The following DPP6 variants were observed in gnomAD, a reference collection of about 807,000 sequenced individuals.
The protein encoded by DPP6 is A-type potassium channel modulatory protein DPP6.
A neutral mutation model predicts 122.6 loss-of-function variants in DPP6; 69 were observed. The observed-to-expected ratio is 0.56, with a 90% CI of 0.46 to 0.69. The LOEUF is 0.69. Ranked by LOEUF, DPP6 falls within the 30% of genes least tolerant of loss-of-function variation. The probability of loss-of-function intolerance (pLI) is 0.00; values close to 1 mark genes in which losing one functional copy is unlikely to be tolerated. For synonymous variants in DPP6, 418 were observed against 433.1 expected (o/e 0.97, Z 0.43); for missense variants, 928 against 1,116.9 (o/e 0.83, Z 2.41).
chr7:154,701,219 G>T (rs373826071), intron 7 of DPP6, among the ~76,000 whole-genome samples: 1 of 152,094 alleles, frequency 6.6e-6, no homozygotes, highest in Admixed American at 6.5e-5. Context: ...TTCCTGTCCC[G>T]CTTTGCACGC....
At chr7:154,332,739 C>T (rs6464405) in intron 1 of DPP6, among the ~76,000 whole-genome samples, 101,339 of 152,136 alleles carry the variant, frequency 0.67, 33,836 homozygotes, top group East Asian at 0.74. Context: ...CTCCCCCCTC[C>T]AACCTTAAAA....
chr7:154,073,328 A>T (rs530630599), intron 1 of DPP6, among the ~76,000 whole-genome samples: 9 of 152,152 alleles, frequency 5.9e-5, no homozygotes, highest in African/African-American at 2.2e-4. Flanking sequence ...TAGTGGGGGA[A>T]CTCCTGGTCC....
chr7:154,344,807 G>A (rs1276179615), intron 1 of DPP6, among the ~76,000 whole-genome samples: 1 of 152,150 alleles, frequency 6.6e-6, no homozygotes, highest in Non-Finnish European at 1.5e-5. Flanking sequence ...AGAATTGCTT[G>A]AACCCAGGAG....
chr7:154,828,086 C>T (rs10238834), intron 16 of DPP6, among the ~76,000 whole-genome samples: 112,995 of 151,902 alleles, frequency 0.74, 43,043 homozygotes, highest in Non-Finnish European at 0.84. Flanking sequence ...TTGCAGAACT[C>T]GAATGGGGTG....
intron 1 of DPP6, among the ~76,000 whole-genome samples, chr7:154,370,069 G>A (rs996415301): frequency 1.1e-4 from 16 of 151,744 alleles, no homozygotes; most frequent in Non-Finnish European, 5.9e-5. Flanking sequence ...TGCAACCTCC[G>A]CCTCTTGGGT....
intron 1 of DPP6, among the ~76,000 whole-genome samples, chr7:154,307,099 G>A (rs1325109322): frequency 3.3e-5 from 5 of 152,084 alleles, no homozygotes; most frequent in African/African-American, 7.2e-5. Flanking sequence ...GTCTACACCC[G>A]ATACACCCAA....
At chr7:153,784,160 T>C in the DPP6 span, among the ~76,000 whole-genome samples, 2 of 152,348 alleles carry the variant, frequency 1.3e-5, no homozygotes, top group Middle Eastern at 3.4e-3. Flanking sequence ...TAATGTGGCA[T>C]TTAAAATTAA....
At chr7:154,484,312 T>G in intron 3 of DPP6, among the ~76,000 whole-genome samples, 1 of 152,234 alleles carries the variant, frequency 6.6e-6, no homozygotes, top group East Asian at 1.9e-4. Context: ...AGGTAGCTGA[T>G]GCCACTGCAC....
chr7:154,194,829 T>C (rs1006153433), intron 1 of DPP6, among the ~76,000 whole-genome samples: 15 of 152,370 alleles, frequency 9.8e-5, no homozygotes, highest in Non-Finnish European at 1.8e-4. Context: ...GGATTTTGTC[T>C]TGTTTTATTT....
intron 1 of DPP6, among the ~76,000 whole-genome samples, chr7:154,365,957 CAAAAAAA>C (rs35516153): frequency 1.3e-5 from 1 of 75,944 alleles, no homozygotes; most frequent in African/African-American, 4.7e-5. Context: ...GACTCCGTCT[CAAAAAAA>C]AAAAAAAAAA....
At chr7:153,896,848 A>G (rs1038236027) in intron 1 of DPP6, among the ~76,000 whole-genome samples, 3 of 152,212 alleles carry the variant, frequency 2.0e-5, no homozygotes, top group Admixed American at 2.0e-4. Context: ...ATACTTATTT[A>G]TAACAGAAAA....
the DPP6 span, among the ~76,000 whole-genome samples, chr7:153,832,499 C>G: frequency 6.6e-6 from 1 of 152,230 alleles, no homozygotes; most frequent in Non-Finnish European, 1.5e-5. Flanking sequence ...TAATGCAGTT[C>G]ATGGATATCC....
Position 154,618,110 on chromosome 7 carries a change from C to G in DPP6, c.628-19711C>G, listed in dbSNP as rs1390412523. 6.6e-6 allele frequency among the ~76,000 whole-genome samples: 1 copy of G among 152,186 alleles called. No homozygotes were observed. The highest frequency in any genetic ancestry group is 1.5e-5 in the Non-Finnish European group (1 of 68,034). On this transcript the variant is annotated intron_variant, in intron 5 of 25. Coordinates refer to ENST00000377770, the MANE Select transcript of DPP6 (RefSeq NM_130797.4). This position sits in a 1 kb window ranked among gnomAD's most constrained non-coding sequence, Gnocchi z 4.1. ...CACTGTTGCTGGTTGCATTCTCGCT[C>G]TTTCCCCCATAAGGCTATTAAAGTT...
intron 4 of DPP6, among the ~76,000 whole-genome samples, chr7:154,541,327 G>C (rs537741045): frequency 3.9e-5 from 6 of 151,968 alleles, no homozygotes; most frequent in Admixed American, 1.3e-4. Context: ...TAGAGATAGG[G>C]TCTCACTATG....
intron 1 of DPP6, among the ~76,000 whole-genome samples, chr7:154,153,705 T>C (rs1796539645): frequency 6.6e-6 from 1 of 152,266 alleles, no homozygotes. Flanking sequence ...TTTTAGGCTT[T>C]CCAGGACCTA....
intron 3 of DPP6, among the ~76,000 whole-genome samples, chr7:154,482,038 C>T (rs1284174120): frequency 6.6e-6 from 1 of 152,206 alleles, no homozygotes; most frequent in Non-Finnish European, 1.5e-5. Flanking sequence ...AGGAAACTTA[C>T]AAGCATGTGA....
At chr7:154,551,542 G>A (rs145885573) in intron 4 of DPP6, among the ~76,000 whole-genome samples, 188 of 152,172 alleles carry the variant, frequency 1.2e-3, no homozygotes, top group African/African-American at 4.4e-3. Flanking sequence ...AATGCCAGTG[G>A]AAGATCGGGA....
intron 1 of DPP6, among the ~76,000 whole-genome samples, chr7:154,137,650 T>TGGGGGG (rs1419049474): frequency 4.0e-4 from 4 of 10,078 alleles, no homozygotes; most frequent in East Asian, 5.3e-3. Context: ...GTGGGGGGGG[T>TGGGGGG]GGGGGGGTGG....
At chr7:154,529,540 C>T (rs1027175780) in intron 3 of DPP6, among the ~76,000 whole-genome samples, 1 of 152,136 alleles carries the variant, frequency 6.6e-6, no homozygotes, top group Non-Finnish European at 1.5e-5. Flanking sequence ...GAAAGTGGAA[C>T]ACATGCTCAA....
Sources: allele counts gnomAD v4.1 joint callset (sites outside exome capture counted in the v4.1 genomes callset), GRCh38; gene constraint gnomAD v4.1.1; non-coding constraint Gnocchi (gnomAD v3.1); transcripts MANE v1.5; gene names NCBI Gene and HGNC (gene_info 2026-07-23, HGNC 2026-07-21).